PDZRN4: variants seen among roughly 807,000 people sequenced by gnomAD.
The protein encoded by PDZRN4 is PDZ domain-containing RING finger protein 4.
A neutral mutation model predicts 99.0 loss-of-function variants in PDZRN4; 70 were observed. The ratio of observed to expected loss-of-function variants is 0.71; its 90% CI spans 0.58 to 0.86. The LOEUF is 0.86. Among genes scored for constraint, PDZRN4 ranks in the 40% least tolerant of loss-of-function variants. The probability of loss-of-function intolerance (pLI) is 0.00; values close to 1 mark genes in which losing one functional copy is unlikely to be tolerated. For synonymous variants in PDZRN4, 551 were observed against 501.6 expected, an observed-to-expected ratio of 1.10 and a Z score of -1.32; for missense variants, 1,474 against 1,331.2, an observed-to-expected ratio of 1.11 and a Z score of -1.67.
intron 3 of PDZRN4, among the ~76,000 whole-genome samples, chr12:41,321,084 C>A (rs1951674150): frequency 6.6e-6 from 1 of 152,016 alleles, no homozygotes; most frequent in South Asian, 2.1e-4. Flanking sequence ...GCATAAATTT[C>A]TAAAATTTTT....
At chr12:41,439,340 C>G (rs745943050) in intron 3 of PDZRN4, among the ~76,000 whole-genome samples, 1 of 152,114 alleles carries the variant, frequency 6.6e-6, no homozygotes, top group Admixed American at 6.5e-5. Context: ...AAAACAGTCT[C>G]TAGGTGGAAC....
chr12:41,191,846 G>T (rs1445939805), intron 2 of PDZRN4, among the ~76,000 whole-genome samples: 1 of 151,900 alleles, frequency 6.6e-6, no homozygotes, highest in South Asian at 2.1e-4. Flanking sequence ...GCAGTGGCAC[G>T]ATCTCAGCTC....
At chr12:41,311,676 T>C (rs1211580802) in intron 3 of PDZRN4, among the ~76,000 whole-genome samples, 6 of 152,218 alleles carry the variant, frequency 3.9e-5, no homozygotes, top group Non-Finnish European at 7.3e-5. Flanking sequence ...TTGATTATAT[T>C]CAAATTTAAA....
intron 3 of PDZRN4, among the ~76,000 whole-genome samples, chr12:41,252,128 A>AAATG (rs145575441): frequency 0.083 from 12,632 of 152,024 alleles, 686 homozygotes; most frequent in Non-Finnish European, 0.13. Flanking sequence ...ATAAATAAAT[A>AAATG]AATAAATAAT....
chr12:41,260,846 T>C (rs17129177), intron 3 of PDZRN4, among the ~76,000 whole-genome samples: 22,076 of 152,130 alleles, frequency 0.15, 2,485 homozygotes, highest in African/African-American at 0.31. Context: ...ACATTTCTCA[T>C]ACTTGAAATA....
intron 5 of PDZRN4, among the ~76,000 whole-genome samples, chr12:41,530,084 C>T (rs754622622): frequency 2.6e-5 from 4 of 151,954 alleles, no homozygotes; most frequent in African/African-American, 9.7e-5. Context: ...TTTAGAACAA[C>T]GGCATAAGAC....
chr12:41,533,995 T>C (rs912472700), intron 5 of PDZRN4, among the ~76,000 whole-genome samples: 1 of 152,206 alleles, frequency 6.6e-6, no homozygotes, highest in Non-Finnish European at 1.5e-5. Context: ...GTGCTTATCT[T>C]AGAAATTTGA....
At chr12:41,472,345 A>C (rs2608716) in intron 3 of PDZRN4, among the ~76,000 whole-genome samples, 83,398 of 151,978 alleles carry the variant, frequency 0.55, 24,009 homozygotes, top group African/African-American at 0.74. Context: ...TGAAATATTT[A>C]ATATCACACA....
intron 7 of PDZRN4, among the ~76,000 whole-genome samples, chr12:41,560,195 G>A (rs959001034): frequency 6.6e-6 from 1 of 151,992 alleles, no homozygotes; most frequent in African/African-American, 2.4e-5. Flanking sequence ...AAACACATTT[G>A]AAATAAATCT....
chr12:41,515,680 A>G (rs758744145), intron 5 of PDZRN4, among the ~76,000 whole-genome samples: 47 of 151,988 alleles, frequency 3.1e-4, no homozygotes, highest in Non-Finnish European at 5.6e-4. Flanking sequence ...TAGTATTTCC[A>G]GATGCTCTGT....
At chr12:41,249,158 C>A (rs184960386) in intron 3 of PDZRN4, among the ~76,000 whole-genome samples, 70 of 152,124 alleles carry the variant, frequency 4.6e-4, no homozygotes, top group Admixed American at 3.3e-3. Flanking sequence ...GAATCAGTTT[C>A]AAAAAGATAA....
chr12:41,484,061 C>G (rs937282977), intron 3 of PDZRN4, among the ~76,000 whole-genome samples: 2 of 152,116 alleles, frequency 1.3e-5, no homozygotes. Context: ...TTCTACTCCT[C>G]CTTTTTGTTA....
At chr12:41,371,974 C>G (rs1952045690) in intron 3 of PDZRN4, among the ~76,000 whole-genome samples, 1 of 152,106 alleles carries the variant, frequency 6.6e-6, no homozygotes, top group Non-Finnish European at 1.5e-5. Context: ...CAAGTCTATA[C>G]TCCTACTAGA....
chr12:41,488,257 T>A (rs1565595942), intron 3 of PDZRN4, among the ~76,000 whole-genome samples: 1 of 152,180 alleles, frequency 6.6e-6, no homozygotes, highest in Non-Finnish European at 1.5e-5. Context: ...GAAGAGCACA[T>A]GGAATCTCGA....
intron 3 of PDZRN4, among the ~76,000 whole-genome samples, chr12:41,341,843 C>T (rs534691546): frequency 6.6e-6 from 1 of 151,668 alleles, no homozygotes; most frequent in South Asian, 2.1e-4. Context: ...GGAATAAAGA[C>T]AAAAATTCTA....
chr12:41,290,419 A>T (rs1408797539), intron 3 of PDZRN4, among the ~76,000 whole-genome samples: 1 of 152,182 alleles, frequency 6.6e-6, no homozygotes, highest in African/African-American at 2.4e-5. Flanking sequence ...TCATTGATTT[A>T]TCGCATTTTC....
At chr12:41,236,293 G>T (rs563305540) in intron 3 of PDZRN4, among the ~76,000 whole-genome samples, 1 of 152,242 alleles carries the variant, frequency 6.6e-6, no homozygotes, top group Admixed American at 6.5e-5. Context: ...TCACCTTGAA[G>T]GAAGTGGCAT....
intron 3 of PDZRN4, among the ~76,000 whole-genome samples, chr12:41,416,044 G>A (rs914427443): frequency 6.6e-6 from 1 of 152,122 alleles, no homozygotes. Flanking sequence ...CTGTGTGATT[G>A]ATAGAGACCC....
At chr12:41,468,602 C>T (rs1191947706) in intron 3 of PDZRN4, among the ~76,000 whole-genome samples, 12 of 152,226 alleles carry the variant, frequency 7.9e-5, no homozygotes, top group Admixed American at 7.9e-4. Flanking sequence ...AATAGCCACA[C>T]TTTCCCAAGT....
Sources: allele counts gnomAD v4.1 joint callset (sites outside exome capture counted in the v4.1 genomes callset), GRCh38; gene constraint gnomAD v4.1.1; transcripts MANE v1.5; gene names NCBI Gene and HGNC (gene_info 2026-07-23, HGNC 2026-07-21).